Variants in TC2N observed in about 807,000 individuals in gnomAD.
TC2N encodes the protein tandem C2 domains, nuclear, also known as tandem C2 domains nuclear protein.
TC2N carries 51 observed loss-of-function variants against 61.9 expected under a neutral mutation model. The ratio of observed to expected loss-of-function variants is 0.82; its 90% CI spans 0.66 to 1.04. The LOEUF (loss-of-function observed/expected upper bound fraction) is 1.04. Among genes scored for constraint, TC2N ranks in the 50% least tolerant of loss-of-function variants. TC2N has a pLI of 0.00. For missense variants in TC2N, 556 were observed against 566.7 expected (o/e 0.98, Z 0.19); for synonymous variants, 204 against 192.6 (o/e 1.06, Z -0.49).
At chr14:91,817,234 G>A (rs1443854662) in intron 1 of TC2N, among the ~76,000 whole-genome samples, 1 of 151,782 alleles carries the variant, frequency 6.6e-6, no homozygotes, top group Non-Finnish European at 1.5e-5. Flanking sequence ...CTCATTAAGT[G>A]TATGCCTGTA....
chr14:91,850,602 C>T (rs978629116), intron 1 of TC2N, among the ~76,000 whole-genome samples: 4 of 152,190 alleles, frequency 2.6e-5, no homozygotes, highest in African/African-American at 7.2e-5. Context: ...CTGTGAACTG[C>T]GCACGTGAGG....
intron 3 of TC2N, among the ~76,000 whole-genome samples, chr14:91,804,100 T>C (rs1886390322): frequency 5.3e-5 from 8 of 152,152 alleles, no homozygotes; most frequent in Admixed American, 4.6e-4. Context: ...ATCAATCTCA[T>C]TAGTCATGAG....
At chr14:91,795,941 TAC>T (rs1172297756) in intron 8 of TC2N, among the ~76,000 whole-genome samples, 3 of 152,222 alleles carry the variant, frequency 2.0e-5, no homozygotes, top group Admixed American at 1.3e-4. Context: ...TTAATGAGCT[TAC>T]AAATTATGCA....
intron 9 of TC2N, among the ~76,000 whole-genome samples, chr14:91,791,085 T>C (rs1885619663): frequency 6.6e-6 from 1 of 150,606 alleles, no homozygotes; most frequent in Non-Finnish European, 1.5e-5. Context: ...TGAGCTGTGA[T>C]TGCGTACCAT....
At chr14:91,829,355 T>C (rs988884109) in intron 1 of TC2N, among the ~76,000 whole-genome samples, 1 of 152,138 alleles carries the variant, frequency 6.6e-6, no homozygotes, top group Non-Finnish European at 1.5e-5. Context: ...CCATGTCTCT[T>C]CACCTCTTTT....
At chr14:91,853,204 C>G (rs1187706770) in intron 1 of TC2N, among the ~76,000 whole-genome samples, 1 of 152,154 alleles carries the variant, frequency 6.6e-6, no homozygotes, top group Non-Finnish European at 1.5e-5. Context: ...CTGATTTCAC[C>G]TTAGTACAGA....
rs368440929 is a variant in TC2N, at chr14:91,849,318, GA to G, written c.-57+17943del. Reference sequence around the variant, plus strand: ...AGAATTTGTTTTAAAACTGTAACTAGAAAAAAAAAACAGTCCTCTTTATAGT... The same window carrying G: ...AGAATTTGTTTTAAAACTGTAACTAGAAAAAAAAACAGTCCTCTTTATAGT... On this transcript the variant is annotated intron_variant, in intron 1 of 11. Transcript: ENST00000435962. Among the ~76,000 whole-genome samples the G allele has an allele frequency of 8.0e-4, 117 of 147,140 alleles. 1 individual carries two copies. Among genetic ancestry groups the G allele is most frequent in the African/African-American group, 2.6e-3 (105 of 40,258 alleles).
chr14:91,799,125 A>T, intron 5 of TC2N, 61 bp from the exon 6 acceptor site: 1 of 994,240 alleles, frequency 1.0e-6, no homozygotes, highest in Non-Finnish European at 1.5e-6. Flanking sequence ...ATTCTGATAC[A>T]TATGCCTCAA....
At chr14:91,814,667 G>A (rs1886933684) in intron 1 of TC2N, among the ~76,000 whole-genome samples, 1 of 151,562 alleles carries the variant, frequency 6.6e-6, no homozygotes, top group African/African-American at 2.4e-5. Flanking sequence ...ACTGAAAAAA[G>A]GAGGAAAGAT....
intron 1 of TC2N, among the ~76,000 whole-genome samples, chr14:91,857,421 C>A (rs538049467): frequency 6.6e-6 from 1 of 152,074 alleles, no homozygotes; most frequent in African/African-American, 2.4e-5. Flanking sequence ...GTTTATAAAC[C>A]GAGTCGTGGC....
chr14:91,830,714 A>C (rs1887724506), intron 1 of TC2N, among the ~76,000 whole-genome samples: 1 of 152,090 alleles, frequency 6.6e-6, no homozygotes, highest in Non-Finnish European at 1.5e-5. Flanking sequence ...GTATGTTAGT[A>C]TCTCAAAAAA....
At chr14:91,846,428 T>C (rs1888272371) in intron 1 of TC2N, among the ~76,000 whole-genome samples, 1 of 151,962 alleles carries the variant, frequency 6.6e-6, no homozygotes, top group Admixed American at 6.6e-5. Context: ...TAGAGAGAGA[T>C]TATCAAATGC....
At chr14:91,827,787 C>A (rs78148367) in intron 1 of TC2N, among the ~76,000 whole-genome samples, 2,964 of 152,242 alleles carry the variant, frequency 0.019, 96 homozygotes, top group African/African-American at 0.067. Flanking sequence ...TGTTTTAATA[C>A]ACACACTTAA....
Position 91,792,475 on chromosome 14 carries a change from G to A in TC2N, c.939C>T (p.Thr313=). Residue 313 remains threonine (T), a synonymous_variant, in exon 9 of 12, where the codon ACC becomes ACT. Transcript: ENST00000435962. ...CAATGGTTTTCTTCCTGGGAGTCTG[G>A]GTTTGAATCTTAAATACAAGTCTTA... ...QTVRLVFKIQ[T]QTPRKKTIGE... is the part of the protein sequence containing the mutation. 8 of 1,610,416 alleles carry A rather than the reference G, an allele frequency of 5.0e-6. No individual in the cohort carries two copies. The highest frequency in any genetic ancestry group is 6.8e-6 in the Non-Finnish European group (8 of 1,177,644).
At chr14:91,843,651 C>T (rs772076114) in intron 1 of TC2N, among the ~76,000 whole-genome samples, 7 of 152,204 alleles carry the variant, frequency 4.6e-5, no homozygotes, top group Non-Finnish European at 7.4e-5. Context: ...AACACCTACG[C>T]CCAGCAAAAT....
intron 1 of TC2N, among the ~76,000 whole-genome samples, chr14:91,856,482 G>T (rs1888484669): frequency 9.0e-6 from 1 of 111,282 alleles, no homozygotes; most frequent in Non-Finnish European, 1.8e-5. Flanking sequence ...GTGAGACCTT[G>T]TCTCAAAAAA....
At chr14:91,827,013 C>T (rs2139888431) in intron 1 of TC2N, among the ~76,000 whole-genome samples, 1 of 152,170 alleles carries the variant, frequency 6.6e-6, no homozygotes, top group South Asian at 2.1e-4. Flanking sequence ...TGTTTTAGTC[C>T]AGATAAACAA....
At position 91,813,693 on chromosome 14, in the gene TC2N, T is replaced by C. The variant is rs10134181; in HGVS notation, c.67+10A>G. 827,490 of 1,575,786 alleles carry C rather than the reference T, an allele frequency of 0.53. 223,402 individuals are homozygous for C. Among genetic ancestry groups the C allele is most frequent in the Admixed American group, 0.58 (34,005 of 59,116 alleles). On this transcript the variant is annotated intron_variant, in intron 2 of 11. Coordinates refer to ENST00000435962, the MANE Select transcript of TC2N (RefSeq NM_001128596.3). The stretch of plus-strand genomic sequence containing the variant: ...TACATAAATGTTACTGAAGTCAAAA[T>C]AAAACTCACAGTTGTGTTTTTCTGT...
At chr14:91,848,420 C>A (rs1888310363) in intron 1 of TC2N, among the ~76,000 whole-genome samples, 1 of 152,160 alleles carries the variant, frequency 6.6e-6, no homozygotes, top group South Asian at 2.1e-4. Context: ...TGACTGCAGA[C>A]CTTCCCTTTA....
Sources: gnomAD v4.1 joint callset for allele counts (sites outside exome capture counted in the v4.1 genomes callset) on GRCh38, gnomAD v4.1.1 for gene constraint, MANE v1.5 for transcripts, NCBI Gene and HGNC (gene_info 2026-07-23, HGNC 2026-07-21) for gene names.